The following PPP1R1C variants were observed in gnomAD, a reference collection of about 807,000 sequenced individuals.
The protein encoded by PPP1R1C is protein phosphatase 1 regulatory inhibitor subunit 1C, also known as protein phosphatase 1 regulatory subunit 1C.
A neutral mutation model predicts 17.4 loss-of-function variants in PPP1R1C; 15 were observed. The observed-to-expected ratio is 0.86, with a 90% CI of 0.58 to 1.33. The LOEUF (loss-of-function observed/expected upper bound fraction) is 1.33, where lower values mean the gene tolerates loss of function less well. PPP1R1C is among the 40% of genes most tolerant of loss of function. The pLI, the probability that PPP1R1C is intolerant of heterozygous loss-of-function variation, is 0.00. For missense variants in PPP1R1C, 143 were observed against 130.0 expected (o/e 1.10, Z -0.48); for synonymous variants, 35 against 43.1 (o/e 0.81, Z 0.73).
At chr2:182,053,405 T>C (rs976297505) in intron 2 of PPP1R1C, among the ~76,000 whole-genome samples, 6 of 152,240 alleles carry the variant, frequency 3.9e-5, no homozygotes, top group African/African-American at 1.4e-4. Flanking sequence ...ACTATTGATC[T>C]TTTTCGATTG....
At chr2:182,088,644 G>A (rs893236017) in intron 4 of PPP1R1C, among the ~76,000 whole-genome samples, 1 of 152,132 alleles carries the variant, frequency 6.6e-6, no homozygotes, top group South Asian at 2.1e-4. Context: ...GCTAATGGGG[G>A]GTTTGGCAGT....
intron 4 of PPP1R1C, among the ~76,000 whole-genome samples, chr2:182,105,978 T>C (rs1689235706): frequency 6.6e-6 from 1 of 152,176 alleles, no homozygotes; most frequent in Non-Finnish European, 1.5e-5. Context: ...TTGTTTCCTC[T>C]GAGGGCTGAA....
intron 1 of PPP1R1C, among the ~76,000 whole-genome samples, chr2:181,972,810 T>C (rs998640460): frequency 1.3e-5 from 2 of 152,192 alleles, no homozygotes; most frequent in African/African-American, 4.8e-5. Context: ...GATTTCCTTA[T>C]CATACTTTCT....
upstream of PPP1R1C, among the ~76,000 whole-genome samples, chr2:181,982,125 C>A (rs559472335): frequency 5.9e-5 from 9 of 152,314 alleles, no homozygotes; most frequent in Non-Finnish European, 4.4e-5. Flanking sequence ...TTTTCCCTCT[C>A]CACCCCTCTC....
intron 2 of PPP1R1C, among the ~76,000 whole-genome samples, chr2:181,991,833 T>C (rs1685482070): frequency 6.6e-6 from 1 of 152,208 alleles, no homozygotes; most frequent in Admixed American, 6.5e-5. Flanking sequence ...TTGCTTTTAC[T>C]TTTGTATAAT....
In PPP1R1C at chr2:181,985,894, G is replaced by A. The variant is rs1685282413; in HGVS notation, c.-217G>A. 3.4e-6 allele frequency: 2 copies of A among 595,956 alleles called. No individual in the cohort carries two copies. Among genetic ancestry groups the A allele is most frequent in the East Asian group, 2.8e-5 (1 of 36,060 alleles). 36.9% of individuals were successfully genotyped at this position (595,956 alleles called of 1,614,324 possible). ...TTGTGCTGAGAGGATCCAAGGGATTGGTGGGGGAACAGGCAAGCCAGGCAT... is the reference window on the plus strand; with the variant it reads ...TTGTGCTGAGAGGATCCAAGGGATTAGTGGGGGAACAGGCAAGCCAGGCAT... On this transcript the variant is annotated 5_prime_UTR_variant, in exon 1 of 5. Transcript: ENST00000682840. The surrounding 1 kb of genome is among the most constrained non-coding windows in gnomAD (Gnocchi z 4.1).
downstream of PPP1R1C, among the ~76,000 whole-genome samples, chr2:182,119,218 C>T (rs1335586377): frequency 6.6e-6 from 1 of 151,938 alleles, no homozygotes; most frequent in African/African-American, 2.4e-5. Context: ...ATCCATGTCC[C>T]TACAAAGGAC....
At chr2:181,982,942 A>C (rs977488217), upstream of PPP1R1C, among the ~76,000 whole-genome samples, 4 of 152,188 alleles carry the variant, frequency 2.6e-5, no homozygotes, top group Non-Finnish European at 5.9e-5. Flanking sequence ...ACTTTTAAAG[A>C]GCAACGGAGA....
chr2:182,076,197 C>CTTTTTTTTTTTTTTTTTTTT lies in PPP1R1C; in HGVS notation c.241+12428_241+12447dup, dbSNP rs1165789924. Among the ~76,000 whole-genome samples the CTTTTTTTTTTTTTTTTTTTT allele has an allele frequency of 1.7e-3, 43 of 25,864 alleles. 11 individuals are homozygous for CTTTTTTTTTTTTTTTTTTTT. The highest frequency in any genetic ancestry group is 1.9e-3 in the Non-Finnish European group (32 of 16,608). 17.0% of individuals were successfully genotyped at this position (25,864 alleles called of 152,430 possible). A position where few individuals can be genotyped will look rare whatever the true frequency, so the allele number is the denominator to read the frequency against. ...GATTTTGAACTTTTTTTTTTCTTTT[C>CTTTTTTTTTTTTTTTTTTTT]TTTTTTTTTTTTTTTTTTTTTTTTT... On this transcript the variant is annotated intron_variant, in intron 4 of 4. Transcript: ENST00000682840.
chr2:182,036,439 T>G (rs1413391908), intron 2 of PPP1R1C, among the ~76,000 whole-genome samples: 1 of 152,238 alleles, frequency 6.6e-6, no homozygotes, highest in Non-Finnish European at 1.5e-5. Flanking sequence ...TGTTGCTTAT[T>G]TCATGTATAT....
At chr2:181,999,598 T>C (rs935304147) in intron 2 of PPP1R1C, among the ~76,000 whole-genome samples, 2 of 152,186 alleles carry the variant, frequency 1.3e-5, no homozygotes, top group East Asian at 1.9e-4. Context: ...TCTTTGTAGC[T>C]TGGCCATGTG....
At chr2:182,061,509 G>T (rs373203029) in intron 3 of PPP1R1C, 30 bp downstream of exon 3, 9 of 1,401,872 alleles carry the variant, frequency 6.4e-6, no homozygotes, top group Non-Finnish European at 7.5e-6. Flanking sequence ...TTGTATAAAT[G>T]TGTTCAAATC....
At chr2:181,966,257 A>G (rs889355028) in intron 1 of PPP1R1C, among the ~76,000 whole-genome samples, 4 of 152,154 alleles carry the variant, frequency 2.6e-5, no homozygotes, top group Admixed American at 2.6e-4. Context: ...GCTGAGAAGG[A>G]TGATTTGACT....
intron 2 of PPP1R1C, among the ~76,000 whole-genome samples, chr2:182,008,091 A>AAAAT (rs1553502681): frequency 1.5e-5 from 2 of 129,100 alleles, no homozygotes; most frequent in African/African-American, 5.0e-5. Context: ...AAATAAATAA[A>AAAAT]AAAATAAAAT....
chr2:182,041,149 A>G (rs1391509663), intron 2 of PPP1R1C, among the ~76,000 whole-genome samples: 1 of 152,072 alleles, frequency 6.6e-6, no homozygotes, highest in Non-Finnish European at 1.5e-5. Flanking sequence ...TTTTGGTTCC[A>G]TTTGAATTTT....
chr2:182,078,617 A>G (rs912662997), intron 4 of PPP1R1C, among the ~76,000 whole-genome samples: 5 of 152,224 alleles, frequency 3.3e-5, no homozygotes, highest in African/African-American at 1.2e-4. Flanking sequence ...TGGTACGGGA[A>G]AAAATAGCAG....
intron 2 of PPP1R1C, among the ~76,000 whole-genome samples, chr2:182,034,006 C>A (rs1252733147): frequency 6.6e-6 from 1 of 152,160 alleles, no homozygotes; most frequent in African/African-American, 2.4e-5. Flanking sequence ...ATCAAGAAGG[C>A]TTTTTAACTC....
chr2:181,977,395 T>C (rs759169313), intron 2 of PPP1R1C, among the ~76,000 whole-genome samples: 3 of 152,098 alleles, frequency 2.0e-5, no homozygotes, highest in African/African-American at 2.4e-5. Context: ...TGTGTGTGTT[T>C]GTTTCCATTT....
chr2:181,989,816 T>C (rs1296550874), intron 2 of PPP1R1C, among the ~76,000 whole-genome samples: 3 of 152,176 alleles, frequency 2.0e-5, no homozygotes, highest in Admixed American at 6.5e-5. Flanking sequence ...TGCCTGCATC[T>C]TCCTCCCCCT....
Sources: gnomAD v4.1 joint callset for allele counts (sites outside exome capture counted in the v4.1 genomes callset) on GRCh38, gnomAD v4.1.1 for gene constraint, Gnocchi (gnomAD v3.1) non-coding constraint, MANE v1.5 for transcripts, NCBI Gene and HGNC (gene_info 2026-07-23, HGNC 2026-07-21) for gene names.